Variants in CCDC28A observed in about 807,000 individuals in gnomAD.
CCDC28A encodes the protein coiled-coil domain containing 28A, also known as coiled-coil domain-containing protein 28A.
Under a neutral mutation model 22.1 loss-of-function variants are expected in CCDC28A, and 24 were observed. That is an observed-to-expected ratio of 1.09 (90% CI 0.79 to 1.53). The LOEUF (loss-of-function observed/expected upper bound fraction) is 1.53. Ranked by LOEUF, CCDC28A falls within the 40% of genes most tolerant of loss-of-function variation. The probability of loss-of-function intolerance (pLI) is 0.00; values close to 1 mark genes in which losing one functional copy is unlikely to be tolerated. For missense variants in CCDC28A, 170 were observed against 210.7 expected, an observed-to-expected ratio of 0.81 and a Z score of 1.20; for synonymous variants, 83 against 74.7, an observed-to-expected ratio of 1.11 and a Z score of -0.57.
intron 5 of CCDC28A, among the ~76,000 whole-genome samples, chr6:138,792,220 A>G (rs1346954172): frequency 1.3e-5 from 2 of 152,122 alleles, no homozygotes; most frequent in African/African-American, 4.8e-5. Flanking sequence ...TATGAAAATG[A>G]TTATTGACAC....
Position 138,793,111 on chromosome 6 carries a change from G to T in CCDC28A, c.*308G>T. 1 of 304,004 alleles carries T rather than the reference G, an allele frequency of 3.3e-6. No individual in the cohort carries two copies. Among genetic ancestry groups the T allele is most frequent in the Non-Finnish European group, 6.3e-6 (1 of 159,254 alleles). 18.8% of individuals were successfully genotyped at this position (304,004 alleles called of 1,614,324 possible). On this transcript the variant is annotated 3_prime_UTR_variant, in exon 6 of 6. Transcript: ENST00000617445. ...TTGTGCTGATGTTCTTGACAGGGCG[G>T]AGGGATTTCTCTTTCCTGAGCTCAC...
intron 2 of CCDC28A, 24 bp from the exon 3 acceptor site, chr6:138,779,798 G>C (rs1774988764): frequency 5.1e-6 from 8 of 1,584,060 alleles, no homozygotes; most frequent in Non-Finnish European, 6.9e-6. Flanking sequence ...AGCCTAAAAA[G>C]CCTAAATTTC....
At chr6:138,780,761 C>T (rs970853088) in intron 3 of CCDC28A, among the ~76,000 whole-genome samples, 3 of 151,836 alleles carry the variant, frequency 2.0e-5, no homozygotes, top group South Asian at 2.1e-4. Flanking sequence ...TTACTAGAGA[C>T]GGAGTTTCAC....
chr6:138,780,103 C>A, intron 3 of CCDC28A, 118 bp downstream of exon 3: 1 of 708,128 alleles, frequency 1.4e-6, no homozygotes, highest in Non-Finnish European at 2.1e-6. Flanking sequence ...AAAGAGCCCA[C>A]AGGCATAAAG....
chr6:138,780,026 T>C (rs756957729), intron 3 of CCDC28A, 41 bp downstream of exon 3: 8 of 1,460,006 alleles, frequency 5.5e-6, no homozygotes, highest in Non-Finnish European at 7.4e-6. Context: ...TTCTCTAAGA[T>C]GTTTGCATCC....
At chr6:138,776,382 C>A in intron 2 of CCDC28A, 104 bp downstream of exon 2, 1 of 884,300 alleles carries the variant, frequency 1.1e-6, no homozygotes, top group Non-Finnish European at 1.8e-6. Context: ...ACTTTTAAAA[C>A]AGTTGAGGCA....
intron 2 of CCDC28A, among the ~76,000 whole-genome samples, chr6:138,776,800 G>A (rs1774940558): frequency 6.6e-6 from 1 of 152,028 alleles, no homozygotes; most frequent in Admixed American, 6.5e-5. Flanking sequence ...ACTGTGTGGT[G>A]TGACACCACA....
chr6:138,778,510 C>G (rs1774970353), intron 2 of CCDC28A, among the ~76,000 whole-genome samples: 1 of 152,126 alleles, frequency 6.6e-6, no homozygotes, highest in Non-Finnish European at 1.5e-5. Flanking sequence ...GTAATAAGGA[C>G]TAGTTTAGGC....
chr6:138,789,654 C>T (rs1775141933), intron 5 of CCDC28A, among the ~76,000 whole-genome samples: 1 of 152,046 alleles, frequency 6.6e-6, no homozygotes, highest in Admixed American at 6.6e-5. Flanking sequence ...GTGAACACCT[C>T]TCTTTACTAA....
chr6:138,776,391 C>A, intron 2 of CCDC28A, 113 bp downstream of exon 2: 1 of 801,928 alleles, frequency 1.2e-6, no homozygotes, highest in Non-Finnish European at 2.1e-6. Context: ...ACAGTTGAGG[C>A]ACCCATTATG....
At chr6:138,780,447 G>A (rs1219246367) in intron 3 of CCDC28A, among the ~76,000 whole-genome samples, 1 of 152,032 alleles carries the variant, frequency 6.6e-6, no homozygotes, top group African/African-American at 2.4e-5. Flanking sequence ...TTAACTGATT[G>A]TCCCATTAAA....
chr6:138,781,604 C>A (rs937249389), intron 3 of CCDC28A, among the ~76,000 whole-genome samples: 1 of 152,094 alleles, frequency 6.6e-6, no homozygotes, highest in African/African-American at 2.4e-5. Context: ...TAATTTTTGC[C>A]AGTCTCTTGG....
chr6:138,790,979 T>C (rs1166225901), intron 5 of CCDC28A, among the ~76,000 whole-genome samples: 3 of 152,226 alleles, frequency 2.0e-5, no homozygotes, highest in Admixed American at 2.0e-4. Context: ...AGTTGCACTG[T>C]TCAATATAGT....
chr6:138,773,866 G>C lies in CCDC28A; in HGVS notation c.-79G>C. The C allele has an allele frequency of 6.2e-7, 1 of 1,613,974 alleles. No homozygotes were observed. Among genetic ancestry groups the C allele is most frequent in the Non-Finnish European group, 8.5e-7 (1 of 1,180,038 alleles). On this transcript the variant is annotated 5_prime_UTR_variant, in exon 1 of 6. Transcript: ENST00000617445. ...CTTCTGAGGCTGTCGGGTCTTTGCGGGTTGCGGAAGGGGGCCCCAATACCC... is the reference window on the plus strand; with the variant it reads ...CTTCTGAGGCTGTCGGGTCTTTGCGCGTTGCGGAAGGGGGCCCCAATACCC...
chr6:138,776,072 T>C lies in CCDC28A; in HGVS notation c.-42-7T>C. 6.2e-7 allele frequency: 1 copy of C among 1,610,820 alleles called. No individual in the cohort carries two copies. The highest frequency in any genetic ancestry group is 1.1e-5 in the South Asian group (1 of 90,996). ...ATACATATATAATTGCTGTATTCCT[T>C]ATTTAGGTCTTAAGAAGCTGGCCGT... On this transcript the variant is annotated splice_region_variant and splice_polypyrimidine_tract_variant and intron_variant, in intron 1 of 5. Coordinates refer to ENST00000617445, the MANE Select transcript of CCDC28A (RefSeq NM_015439.3).
rs757975197 is a variant in CCDC28A, at chr6:138,779,987, T to C, written c.322+2T>C. ...ACTCTGGAAAACTTCAAGCATTTGGTAAGCAATAGATGTTTCTGTATTATT... is the reference window on the plus strand; with the variant it reads ...ACTCTGGAAAACTTCAAGCATTTGGCAAGCAATAGATGTTTCTGTATTATT... On this transcript the variant is annotated splice_donor_variant, in intron 3 of 5. Transcript: ENST00000617445. LOFTEE classifies it high-confidence loss of function. 1.6e-5 allele frequency: 26 copies of C among 1,607,542 alleles called. No individual in the cohort carries two copies. The highest frequency in any genetic ancestry group is 2.2e-5 in the Non-Finnish European group (26 of 1,176,600).
intron 1 of CCDC28A, 85 bp downstream of exon 1, chr6:138,773,987 T>C (rs1774885838): frequency 3.3e-6 from 5 of 1,502,016 alleles, no homozygotes; most frequent in Non-Finnish European, 4.5e-6. Context: ...TACTGGGCGG[T>C]GAAGGGTCAT....
chr6:138,789,757 G>A (rs137918553), intron 5 of CCDC28A, among the ~76,000 whole-genome samples: 1 of 152,268 alleles, frequency 6.6e-6, no homozygotes. Flanking sequence ...CCTGGGAGGT[G>A]GAGGTTGCAG....
rs1465106545 is a variant in CCDC28A, at chr6:138,779,847, C to T, written c.184C>T (p.Gln62Ter). Reference sequence around the variant, plus strand: ...AGTGATGAAAGAAAAGACCAAACCTCAGGGTGGAGAGGGCAAAGGCGCTCA... The same window carrying T: ...AGTGATGAAAGAAAAGACCAAACCTTAGGGTGGAGAGGGCAAAGGCGCTCA... ...KRVMKEKTKP[Q>*]GGEGKGAQST... The change falls in exon 3 of 6, where the codon CAG becomes TAG. Residue 62 changes from glutamine to a stop codon, truncating the protein, a stop_gained. Coordinates refer to ENST00000617445, the MANE Select transcript of CCDC28A (RefSeq NM_015439.3). LOFTEE classifies it high-confidence loss of function. 2.5e-6 allele frequency: 4 copies of T among 1,613,132 alleles called. No individual in the cohort carries two copies. The highest frequency in any genetic ancestry group is 2.2e-5 in the East Asian group (1 of 44,808).
Sources: allele counts gnomAD v4.1 joint callset (sites outside exome capture counted in the v4.1 genomes callset), GRCh38; gene constraint gnomAD v4.1.1; transcripts MANE v1.5; gene names NCBI Gene and HGNC (gene_info 2026-07-23, HGNC 2026-07-21).